The following SSH2 variants were observed in gnomAD, a reference collection of about 807,000 sequenced individuals.
The protein encoded by SSH2 is protein phosphatase Slingshot homolog 2.
A neutral mutation model predicts 135.2 loss-of-function variants in SSH2; 37 were observed. The observed-to-expected ratio is 0.27, with a 90% CI of 0.21 to 0.36. The LOEUF is 0.36. Ranked by LOEUF, SSH2 falls within the 10% of genes least tolerant of loss-of-function variation. The probability of loss-of-function intolerance (pLI) is 1.00; values close to 1 mark genes in which losing one functional copy is unlikely to be tolerated. For synonymous variants in SSH2, 628 were observed against 646.2 expected, an observed-to-expected ratio of 0.97 and a Z score of 0.43; for missense variants, 1,408 against 1,765.3, an observed-to-expected ratio of 0.80 and a Z score of 3.63.
chr17:29,779,282 CAAAG>C (rs2041784423), intron 3 of SSH2, among the ~76,000 whole-genome samples: 1 of 152,020 alleles, frequency 6.6e-6, no homozygotes, highest in Admixed American at 6.6e-5. Context: ...TCTTCAGAAA[CAAAG>C]AATACTTCAG....
chr17:29,639,991 C>G (rs1351426377), intron 14 of SSH2, among the ~76,000 whole-genome samples: 1 of 152,104 alleles, frequency 6.6e-6, no homozygotes, highest in Non-Finnish European at 1.5e-5. Flanking sequence ...GAAGACCTCT[C>G]AGGGGGTGGC....
At chr17:29,907,362 G>T (rs981878399) in intron 1 of SSH2, among the ~76,000 whole-genome samples, 4 of 152,066 alleles carry the variant, frequency 2.6e-5, no homozygotes, top group Admixed American at 6.6e-5. Context: ...GGGGTGGAGT[G>T]GGGGGAGGGA....
At chr17:29,693,073 C>A (rs2038559042) in intron 5 of SSH2, among the ~76,000 whole-genome samples, 1 of 152,140 alleles carries the variant, frequency 6.6e-6, no homozygotes, top group Non-Finnish European at 1.5e-5. Flanking sequence ...AATACTCCCA[C>A]TGCAGCCTCC....
At chr17:29,652,346 T>C (rs1362477267) in intron 12 of SSH2, among the ~76,000 whole-genome samples, 2 of 152,108 alleles carry the variant, frequency 1.3e-5, no homozygotes, top group Non-Finnish European at 2.9e-5. Flanking sequence ...TCTTTGTTAG[T>C]TGATGAACAT....
chr17:29,888,655 C>A (rs1354984381), intron 1 of SSH2, among the ~76,000 whole-genome samples: 1 of 151,892 alleles, frequency 6.6e-6, no homozygotes, highest in African/African-American at 2.4e-5. Flanking sequence ...AAAGTGACAG[C>A]CAGCTGCAAT....
chr17:29,677,463 C>T (rs926847033), intron 7 of SSH2, among the ~76,000 whole-genome samples: 1 of 152,186 alleles, frequency 6.6e-6, no homozygotes, highest in South Asian at 2.1e-4. Context: ...ATTCCTACCA[C>T]AGTCGGCCTA....
At chr17:29,709,882 C>T (rs192454478) in intron 3 of SSH2, among the ~76,000 whole-genome samples, 22 of 152,290 alleles carry the variant, frequency 1.4e-4, no homozygotes, top group Admixed American at 1.2e-3. Context: ...ACAGTGGCAT[C>T]TCAGTCTCAA....
At chr17:29,888,716 T>G (rs1381615074) in intron 1 of SSH2, among the ~76,000 whole-genome samples, 2 of 151,144 alleles carry the variant, frequency 1.3e-5, no homozygotes, top group East Asian at 1.9e-4. Flanking sequence ...GGAGGATCAC[T>G]TTAGGCCAGG....
In SSH2 at chr17:29,636,064, G is replaced by A. The variant is rs146653976; in HGVS notation, c.2166C>T (p.Ala722=). Residue 722 remains alanine, a synonymous_variant, in exon 15 of 16, where the codon GCC becomes GCT. Coordinates refer to ENST00000540801, the MANE Select transcript of SSH2 (RefSeq NM_001282129.2). ...ESCRLSVVEV[A]PSKVTADDQR... ...GGTCATCAGCTGTCACTTTGGAAGG[G>A]GCTACTTCTACCACTGACAGTCGAC... The A allele has an allele frequency of 1.9e-6, 3 of 1,614,090 alleles. No homozygotes were observed. Among genetic ancestry groups the A allele is most frequent in the Non-Finnish European group, 2.5e-6 (3 of 1,180,000 alleles).
At chr17:29,758,748 TTTATTA>T (rs1425244471) in intron 3 of SSH2, among the ~76,000 whole-genome samples, 2 of 152,106 alleles carry the variant, frequency 1.3e-5, no homozygotes, top group Non-Finnish European at 2.9e-5. Context: ...TAAAAATTAT[TTTATTA>T]TTATTATTTA....
chr17:29,893,717 ATTAAAG>A (rs1248246381), intron 1 of SSH2, among the ~76,000 whole-genome samples: 5 of 152,166 alleles, frequency 3.3e-5, no homozygotes, highest in Admixed American at 6.6e-5. Flanking sequence ...GAAATGTGGT[ATTAAAG>A]TTAAGTATTT....
intron 3 of SSH2, among the ~76,000 whole-genome samples, chr17:29,743,534 A>C (rs1233552154): frequency 6.6e-6 from 1 of 152,202 alleles, no homozygotes; most frequent in Non-Finnish European, 1.5e-5. Flanking sequence ...AAGAAGAGAA[A>C]ATTCCAGTAG....
At chr17:29,697,382 A>T (rs1293332126) in intron 4 of SSH2, among the ~76,000 whole-genome samples, 1 of 152,174 alleles carries the variant, frequency 6.6e-6, no homozygotes, top group African/African-American at 2.4e-5. Context: ...GTTAATTATG[A>T]GATGAAATAC....
At chr17:29,657,935 C>T (rs2036860873) in intron 11 of SSH2, among the ~76,000 whole-genome samples, 1 of 151,522 alleles carries the variant, frequency 6.6e-6, no homozygotes, top group Non-Finnish European at 1.5e-5. Context: ...GGGGGTCTTT[C>T]ATAATATTGA....
At chr17:29,849,222 G>A (rs1370388629) in intron 1 of SSH2, among the ~76,000 whole-genome samples, 1 of 151,946 alleles carries the variant, frequency 6.6e-6, no homozygotes, top group Non-Finnish European at 1.5e-5. Context: ...GCTCACGCCT[G>A]TAATCCCAGC....
chr17:29,884,266 C>T (rs2066192506), intron 1 of SSH2, among the ~76,000 whole-genome samples: 1 of 152,214 alleles, frequency 6.6e-6, no homozygotes, highest in African/African-American at 2.4e-5. Context: ...TCGAATTTCT[C>T]AGTTGCATTT....
chr17:29,693,315 T>C (rs1416363758), intron 5 of SSH2, among the ~76,000 whole-genome samples: 1 of 151,490 alleles, frequency 6.6e-6, no homozygotes, highest in Non-Finnish European at 1.5e-5. Context: ...AATAATAACA[T>C]TATTATTATT....
At chr17:29,909,961 T>C (rs1406646911) in intron 1 of SSH2, among the ~76,000 whole-genome samples, 1 of 152,230 alleles carries the variant, frequency 6.6e-6, no homozygotes, top group Non-Finnish European at 1.5e-5. Flanking sequence ...GTTGTTGTTT[T>C]TAGAAACGGG....
intron 3 of SSH2, among the ~76,000 whole-genome samples, chr17:29,762,820 C>T (rs140598023): frequency 6.6e-6 from 1 of 152,252 alleles, no homozygotes; most frequent in East Asian, 1.9e-4. Flanking sequence ...CATTATGCTA[C>T]AGCAAATATT....
Sources: allele counts gnomAD v4.1 joint callset (sites outside exome capture counted in the v4.1 genomes callset), GRCh38; gene constraint gnomAD v4.1.1; transcripts MANE v1.5; gene names NCBI Gene and HGNC (gene_info 2026-07-23, HGNC 2026-07-21).